MBNL1: variants seen among roughly 807,000 people sequenced by gnomAD.
MBNL1 encodes the protein muscleblind like splicing regulator 1, also known as muscleblind-like protein 1.
MBNL1 carries 8 observed loss-of-function variants against 42.2 expected under a neutral mutation model. The observed-to-expected ratio is 0.19, with a 90% CI of 0.11 to 0.34. The LOEUF (loss-of-function observed/expected upper bound fraction) is 0.34. MBNL1 is among the 10% of genes least tolerant of loss of function. MBNL1 has a pLI of 1.00. For missense variants in MBNL1, 309 were observed against 495.3 expected, an observed-to-expected ratio of 0.62 and a Z score of 3.57; for synonymous variants, 169 against 173.9, an observed-to-expected ratio of 0.97 and a Z score of 0.22.
At chr3:152,439,429 G>A (rs1026116784) in intron 4 of MBNL1, among the ~76,000 whole-genome samples, 3 of 152,094 alleles carry the variant, frequency 2.0e-5, no homozygotes, top group Admixed American at 6.6e-5. Flanking sequence ...AAGTCTTATC[G>A]GTAGGATTAT....
intron 2 of MBNL1, among the ~76,000 whole-genome samples, chr3:152,394,316 TCA>T (rs1476574794): frequency 6.6e-6 from 1 of 152,208 alleles, no homozygotes; most frequent in African/African-American, 2.4e-5. Flanking sequence ...GAAGAGTCTT[TCA>T]CAGACTGTTT....
At chr3:152,301,403 G>GA (rs937907678) in intron 2 of MBNL1, among the ~76,000 whole-genome samples, 2 of 152,146 alleles carry the variant, frequency 1.3e-5, no homozygotes, top group Non-Finnish European at 2.9e-5. Flanking sequence ...CATATGTAGA[G>GA]AAGTAAAAGT....
chr3:152,463,691 A>C lies in MBNL1; in HGVS notation c.*1325A>C, dbSNP rs117495095. 7.3e-5 allele frequency: 11 copies of C among 149,660 alleles called. No individual in the cohort carries two copies. The East Asian group carries it at 2.1e-3, about 29-fold the overall frequency. The allele number at this position is 149,660 out of a possible 1,614,324, so 9.3% of individuals were successfully genotyped here. A position where few individuals can be genotyped will look rare whatever the true frequency, so the allele number is the denominator to read the frequency against. The stretch of plus-strand genomic sequence containing the variant: ...GCCTTAGAAAGCCTTTTACAAAATT[A>C]AAAAAAAAATAGATGTGCATTCAGT... On this transcript the variant is annotated 3_prime_UTR_variant, in exon 10 of 10. Transcript: ENST00000324210.
intron 2 of MBNL1, among the ~76,000 whole-genome samples, chr3:152,372,262 G>A (rs2096700272): frequency 6.6e-6 from 1 of 151,906 alleles, no homozygotes; most frequent in African/African-American, 2.4e-5. Flanking sequence ...CCTTTAGCTC[G>A]GAGGAGTTAC....
At chr3:152,456,128 C>A in intron 7 of MBNL1, 139 bp from the exon 8 acceptor site, 2 of 656,058 alleles carry the variant, frequency 3.0e-6, no homozygotes, top group Admixed American at 1.9e-5. Flanking sequence ...GATTGCATGT[C>A]ACTCGCTGGT....
chr3:152,289,547 C>T (rs1292243375), intron 1 of MBNL1, among the ~76,000 whole-genome samples: 1 of 151,792 alleles, frequency 6.6e-6, no homozygotes, highest in African/African-American at 2.4e-5. Flanking sequence ...TCAGTGAAAA[C>T]ATTATTCTTG....
chr3:152,310,566 T>G (rs907963154), intron 2 of MBNL1, among the ~76,000 whole-genome samples: 14 of 152,260 alleles, frequency 9.2e-5, no homozygotes, highest in African/African-American at 2.4e-5. Flanking sequence ...GGGCAAGTAT[T>G]TGTTAAATCA....
At chr3:152,386,116 T>A (rs568509559) in intron 2 of MBNL1, among the ~76,000 whole-genome samples, 1 of 152,066 alleles carries the variant, frequency 6.6e-6, no homozygotes, top group Admixed American at 6.6e-5. Context: ...TTTAATAAGA[T>A]ATAAATCTAG....
intron 7 of MBNL1, among the ~76,000 whole-genome samples, chr3:152,455,971 T>C (rs1732842446): frequency 6.6e-6 from 1 of 152,238 alleles, no homozygotes; most frequent in South Asian, 2.1e-4. Flanking sequence ...ATGAACACTA[T>C]ATAAAATTCT....
chr3:152,320,060 A>G (rs372682929), intron 2 of MBNL1, among the ~76,000 whole-genome samples: 1 of 152,278 alleles, frequency 6.6e-6, no homozygotes, highest in East Asian at 1.9e-4. Context: ...TAAACTCCTT[A>G]AGAATGAGAA....
chr3:152,257,567 C>G (rs958507158), intron 2 of MBNL1, among the ~76,000 whole-genome samples: 4 of 151,914 alleles, frequency 2.6e-5, no homozygotes, highest in African/African-American at 9.7e-5. Flanking sequence ...TTTAGTGGCC[C>G]AAGCATTTGT....
At chr3:152,349,184 C>T (rs2094632911) in intron 2 of MBNL1, among the ~76,000 whole-genome samples, 1 of 152,048 alleles carries the variant, frequency 6.6e-6, no homozygotes, top group Non-Finnish European at 1.5e-5. Context: ...TATGTATGTA[C>T]AGGCACACTG....
At chr3:152,364,773 A>G (rs1018046665) in intron 2 of MBNL1, among the ~76,000 whole-genome samples, 12 of 152,304 alleles carry the variant, frequency 7.9e-5, no homozygotes, top group Non-Finnish European at 1.5e-4. Flanking sequence ...TTGGTCAGAT[A>G]CTGTGAGAGA....
intron 2 of MBNL1, chr3:152,340,784 CA>C: frequency 6.2e-7 from 1 of 1,614,012 alleles, no homozygotes; most frequent in Non-Finnish European, 8.5e-7. Context: ...AAGAATCCAG[CA>C]GAAGGGGACT....
rs374659432 is a variant in MBNL1, at chr3:152,283,175, A to G, written c.-790+14083A>G. On this transcript the variant is annotated intron_variant, in intron 1 of 9. Transcript: ENST00000324210. ...TGCAGTAACTGAGTTTTTTAATTCAATGCAGCCATCTTTCATTGTAATGTT... is the reference window on the plus strand; with the variant it reads ...TGCAGTAACTGAGTTTTTTAATTCAGTGCAGCCATCTTTCATTGTAATGTT... Among the ~76,000 whole-genome samples the G allele has an allele frequency of 6.5e-4, 99 of 152,346 alleles. No homozygotes were observed. The South Asian group carries it at 0.019, about 29-fold the overall frequency.
intron 6 of MBNL1, 137 bp from the exon 7 acceptor site, chr3:152,455,405 C>A (rs190429326): frequency 4.3e-6 from 3 of 703,386 alleles, no homozygotes; most frequent in Non-Finnish European, 7.8e-6. Flanking sequence ...ATTGTGCTGA[C>A]AGTTACATGC....
At chr3:152,445,226 AG>A (rs2099205871) in intron 4 of MBNL1, 55 bp from the exon 5 acceptor site, 2 of 1,507,044 alleles carry the variant, frequency 1.3e-6, no homozygotes, top group African/African-American at 2.8e-5. Context: ...TAAAATCTTC[AG>A]AAAGCTTCTT....
chr3:152,252,909 C>G (rs564287768), intron 2 of MBNL1, among the ~76,000 whole-genome samples: 1 of 152,052 alleles, frequency 6.6e-6, no homozygotes, highest in African/African-American at 2.4e-5. Context: ...GTATTCATAA[C>G]TGAAAATAAA....
intron 2 of MBNL1, among the ~76,000 whole-genome samples, chr3:152,351,059 G>C (rs1199705975): frequency 6.6e-6 from 1 of 151,938 alleles, no homozygotes; most frequent in Non-Finnish European, 1.5e-5. Flanking sequence ...AATGAATGGG[G>C]CAGATTATTA....
Sources: gnomAD v4.1 joint callset for allele counts (sites outside exome capture counted in the v4.1 genomes callset) on GRCh38, gnomAD v4.1.1 for gene constraint, MANE v1.5 for transcripts, NCBI Gene and HGNC (gene_info 2026-07-23, HGNC 2026-07-21) for gene names.